Variants in ITGA9 observed in about 807,000 individuals in gnomAD.
The protein encoded by ITGA9 is integrin alpha-9.
A neutral mutation model predicts 127.8 loss-of-function variants in ITGA9; 56 were observed. The observed-to-expected ratio is 0.44, with a 90% confidence interval of 0.35 to 0.55. The LOEUF (loss-of-function observed/expected upper bound fraction) is 0.55, where lower values mean the gene tolerates loss of function less well. Among genes scored for constraint, ITGA9 ranks in the 20% least tolerant of loss-of-function variants. ITGA9 has a pLI of 0.00. For missense variants in ITGA9, 1,196 were observed against 1,347.1 expected, an observed-to-expected ratio of 0.89 and a Z score of 1.76; for synonymous variants, 508 against 514.5, an observed-to-expected ratio of 0.99 and a Z score of 0.17.
chr3:37,742,594 T>G (rs564191216), intron 21 of ITGA9, among the ~76,000 whole-genome samples: 29 of 152,318 alleles, frequency 1.9e-4, no homozygotes, highest in Admixed American at 1.1e-3. Flanking sequence ...ACACAATTAG[T>G]TTAGATCAGG....
chr3:37,535,444 G>A (rs147061861), intron 14 of ITGA9, among the ~76,000 whole-genome samples: 3 of 152,280 alleles, frequency 2.0e-5, no homozygotes, highest in African/African-American at 4.8e-5. Flanking sequence ...CCGACCAGTG[G>A]CTCTTTCTGG....
chr3:37,590,902 G>T (rs374056490), intron 15 of ITGA9, among the ~76,000 whole-genome samples: 13 of 152,180 alleles, frequency 8.5e-5, no homozygotes, highest in East Asian at 5.8e-4. Flanking sequence ...GTTTCAGGAG[G>T]AACTCTGCCA....
intron 14 of ITGA9, among the ~76,000 whole-genome samples, chr3:37,538,681 C>G (rs1285121048): frequency 1.3e-5 from 2 of 152,210 alleles, no homozygotes; most frequent in Non-Finnish European, 2.9e-5. Context: ...TCCACCAGAC[C>G]CTTTACCAGT....
chr3:37,475,508 T>C (rs781234032), intron 3 of ITGA9, among the ~76,000 whole-genome samples: 13 of 152,190 alleles, frequency 8.5e-5, no homozygotes, highest in Admixed American at 2.6e-4. Flanking sequence ...ACAGGGAAGA[T>C]TTAGCAAAGG....
At chr3:37,627,862 T>C (rs974330853) in intron 15 of ITGA9, among the ~76,000 whole-genome samples, 5 of 152,108 alleles carry the variant, frequency 3.3e-5, no homozygotes, top group African/African-American at 1.2e-4. Flanking sequence ...AAGTGCAGCA[T>C]GAGATGCCAC....
chr3:37,776,681 G>C (rs971793047), intron 23 of ITGA9, among the ~76,000 whole-genome samples: 1 of 152,192 alleles, frequency 6.6e-6, no homozygotes, highest in Non-Finnish European at 1.5e-5. Context: ...CCATTGTTTT[G>C]TTTCTGATGT....
chr3:37,469,729 C>T (rs937491198), intron 1 of ITGA9, among the ~76,000 whole-genome samples: 1 of 152,050 alleles, frequency 6.6e-6, no homozygotes, highest in Non-Finnish European at 1.5e-5. Context: ...TGTATTTGTG[C>T]AGTTCATCTC....
At chr3:37,617,008 A>G (rs1700081672) in intron 15 of ITGA9, among the ~76,000 whole-genome samples, 2 of 152,182 alleles carry the variant, frequency 1.3e-5, no homozygotes, top group South Asian at 4.1e-4. Context: ...TGTCATTATG[A>G]TGTTAGCTGG....
chr3:37,600,904 A>T (rs192144755), intron 15 of ITGA9, among the ~76,000 whole-genome samples: 3 of 152,274 alleles, frequency 2.0e-5, no homozygotes, highest in Non-Finnish European at 4.4e-5. Flanking sequence ...AGCCTGCTCC[A>T]TCCTCTTCTT....
intron 24 of ITGA9, among the ~76,000 whole-genome samples, chr3:37,778,533 G>A (rs1035631553): frequency 1.3e-5 from 2 of 151,878 alleles, no homozygotes; most frequent in South Asian, 2.1e-4. Flanking sequence ...CAGGAGAATC[G>A]GTTGAATCAG....
rs551487623 is a variant in ITGA9, at chr3:37,678,599, C to T, written c.1917-5266C>T. 7.9e-5 allele frequency among the ~76,000 whole-genome samples: 12 copies of T among 152,192 alleles called. No homozygotes were observed. In the East Asian group the frequency reaches 2.3e-3, roughly 29 times the overall value. On this transcript the variant is annotated intron_variant, in intron 17 of 27. Coordinates refer to ENST00000264741, the MANE Select transcript of ITGA9 (RefSeq NM_002207.3). ...AATATAGTTGGATGCATTTGATTAA[C>T]ACTTGTGCTAGCCTTTACTCAGGCT...
intron 15 of ITGA9, among the ~76,000 whole-genome samples, chr3:37,604,517 T>G (rs1213688500): frequency 6.6e-6 from 1 of 152,202 alleles, no homozygotes; most frequent in East Asian, 1.9e-4. Flanking sequence ...ATCAGACACA[T>G]GAGCTAAACA....
chr3:37,472,422 A>C (rs549824895), intron 2 of ITGA9, among the ~76,000 whole-genome samples: 3 of 152,308 alleles, frequency 2.0e-5, no homozygotes, highest in Admixed American at 2.0e-4. Flanking sequence ...TTTTTGAGAC[A>C]GAGTCTTGCT....
At chr3:37,674,938 T>A (rs923043452) in intron 17 of ITGA9, among the ~76,000 whole-genome samples, 1 of 152,206 alleles carries the variant, frequency 6.6e-6, no homozygotes, top group Non-Finnish European at 1.5e-5. Flanking sequence ...CAGAAGGAGC[T>A]TGGGCCCCTG....
rs183009402 is a variant in ITGA9, at chr3:37,663,371, A to G, written c.1916+9581A>G. Among the ~76,000 whole-genome samples, 341 of 152,264 alleles carry G rather than the reference A, an allele frequency of 2.2e-3. 2 individuals are homozygous for G. Among genetic ancestry groups the G allele is most frequent in the African/African-American group, 7.8e-3 (323 of 41,550 alleles). ...GCTAGCCAACTCCGATAAAATAAGG[A>G]CTTTTAAGGGAGATGGAAAGACACA... On this transcript the variant is annotated intron_variant, in intron 17 of 27. Transcript: ENST00000264741.
chr3:37,614,827 C>G (rs889045296), intron 15 of ITGA9, among the ~76,000 whole-genome samples: 7 of 152,190 alleles, frequency 4.6e-5, no homozygotes, highest in African/African-American at 7.2e-5. Flanking sequence ...CATCCTGAGA[C>G]TTTGCTGAAG....
chr3:37,496,975 C>T (rs920027661), intron 5 of ITGA9, among the ~76,000 whole-genome samples: 1 of 152,188 alleles, frequency 6.6e-6, no homozygotes, highest in African/African-American at 2.4e-5. Context: ...CCCTGCATTG[C>T]TTCTGTCTCT....
chr3:37,602,242 A>G (rs1333029970), intron 15 of ITGA9, among the ~76,000 whole-genome samples: 1 of 152,192 alleles, frequency 6.6e-6, no homozygotes, highest in Non-Finnish European at 1.5e-5. Context: ...AAATGGGAAA[A>G]TATCTCCAAA....
chr3:37,766,564 CAG>C, intron 23 of ITGA9, among the ~76,000 whole-genome samples: 1 of 152,152 alleles, frequency 6.6e-6, no homozygotes, highest in Non-Finnish European at 1.5e-5. Flanking sequence ...GCAGGAAATG[CAG>C]AGACAACCCA....
Sources: gnomAD v4.1 joint callset for allele counts (sites outside exome capture counted in the v4.1 genomes callset) on GRCh38, gnomAD v4.1.1 for gene constraint, MANE v1.5 for transcripts, NCBI Gene and HGNC (gene_info 2026-07-23, HGNC 2026-07-21) for gene names.